NRG3: variants seen among roughly 807,000 people sequenced by gnomAD.
The protein encoded by NRG3 is neuregulin 3.
NRG3 carries 31 observed loss-of-function variants against 66.9 expected under a neutral mutation model. The ratio of observed to expected loss-of-function variants is 0.46; its 90% CI spans 0.35 to 0.63. The LOEUF (loss-of-function observed/expected upper bound fraction) is 0.63, where lower values mean the gene tolerates loss of function less well. Ranked by LOEUF, NRG3 falls within the 20% of genes least tolerant of loss-of-function variation. The pLI, the probability that NRG3 is intolerant of heterozygous loss-of-function variation, is 0.00. For missense variants in NRG3, 910 were observed against 878.9 expected, an observed-to-expected ratio of 1.04 and a Z score of -0.45; for synonymous variants, 393 against 359.4, an observed-to-expected ratio of 1.09 and a Z score of -1.06.
At chr10:82,658,589 T>G (rs1213807516) in intron 2 of NRG3, among the ~76,000 whole-genome samples, 1 of 152,032 alleles carries the variant, frequency 6.6e-6, no homozygotes, top group Non-Finnish European at 1.5e-5. Flanking sequence ...TACTAATTGA[T>G]TCCATTTAGA....
chr10:82,217,311 T>C (rs1027837489), intron 1 of NRG3, among the ~76,000 whole-genome samples: 6 of 152,174 alleles, frequency 3.9e-5, no homozygotes, highest in Non-Finnish European at 8.8e-5. Flanking sequence ...CTGGGTGCCA[T>C]CGCTCTTAAC....
At chr10:82,861,660 A>G (rs2064134619) in intron 3 of NRG3, among the ~76,000 whole-genome samples, 1 of 152,202 alleles carries the variant, frequency 6.6e-6, no homozygotes, top group East Asian at 1.9e-4. Context: ...GCCATGCCTG[A>G]GTTGCACCTG....
At chr10:82,836,907 A>C (rs112098670) in intron 3 of NRG3, among the ~76,000 whole-genome samples, 2 of 151,912 alleles carry the variant, frequency 1.3e-5, no homozygotes, top group African/African-American at 4.8e-5. Flanking sequence ...CGCACCCTAC[A>C]ACAGGTCCCA....
chr10:82,867,461 A>G lies in NRG3; in HGVS notation c.1054+2024A>G, dbSNP rs191535588. 2.1e-3 allele frequency among the ~76,000 whole-genome samples: 318 copies of G among 152,344 alleles called. 3 individuals carry two copies. The highest frequency in any genetic ancestry group is 7.4e-3 in the African/African-American group (306 of 41,578). ...ATGGAACCCTGAGAGAACAGAGGAA[A>G]TGCATTTTTAGAAATCTCTGCCACT... is the stretch of plus-strand genomic sequence containing the variant. On this transcript the variant is annotated intron_variant, in intron 4 of 8. Transcript: ENST00000372141.
chr10:82,081,288 C>A lies in NRG3; in HGVS notation c.823+205125C>A, dbSNP rs531463548. Among the ~76,000 whole-genome samples the A allele has an allele frequency of 2.0e-5, 3 of 152,282 alleles. No homozygotes were observed. The South Asian group carries it at 6.2e-4, about 32-fold the overall frequency. Reference sequence around the variant, plus strand: ...GGAGAGACACCCATGATGGAATTATCTGTTGCAGACAAGAACACAAAGATA... The same window carrying A: ...GGAGAGACACCCATGATGGAATTATATGTTGCAGACAAGAACACAAAGATA... On this transcript the variant is annotated intron_variant, in intron 1 of 8. Coordinates refer to ENST00000372141, the MANE Select transcript of NRG3 (RefSeq NM_001010848.4).
At chr10:82,931,193 A>G (rs1416385228) in intron 4 of NRG3, among the ~76,000 whole-genome samples, 1 of 152,196 alleles carries the variant, frequency 6.6e-6, no homozygotes, top group East Asian at 1.9e-4. Flanking sequence ...GCCCGATCCA[A>G]TTTCCTTCAT....
chr10:82,758,485 T>A (rs1452580496), intron 3 of NRG3, among the ~76,000 whole-genome samples: 1 of 151,956 alleles, frequency 6.6e-6, no homozygotes, highest in African/African-American at 2.4e-5. Flanking sequence ...GATAAGAAAA[T>A]GTAAAATTAT....
intron 3 of NRG3, among the ~76,000 whole-genome samples, chr10:82,792,549 G>A (rs1253372313): frequency 6.6e-6 from 1 of 151,626 alleles, no homozygotes; most frequent in Non-Finnish European, 1.5e-5. Context: ...TTTTTGTCTT[G>A]GTCTTGCTAC....
At chr10:82,386,614 G>C (rs1305651973) in intron 2 of NRG3, among the ~76,000 whole-genome samples, 1 of 151,500 alleles carries the variant, frequency 6.6e-6, no homozygotes, top group Non-Finnish European at 1.5e-5. Context: ...GAAAAAGTAT[G>C]ATTGACCCAT....
chr10:82,514,490 G>A (rs911130462), intron 2 of NRG3, among the ~76,000 whole-genome samples: 4 of 152,116 alleles, frequency 2.6e-5, no homozygotes, highest in East Asian at 1.9e-4. Flanking sequence ...AGATCAAATC[G>A]TTGTAGATGT....
intron 1 of NRG3, among the ~76,000 whole-genome samples, chr10:82,052,799 G>A (rs2063663053): frequency 6.6e-6 from 1 of 152,068 alleles, no homozygotes; most frequent in Admixed American, 6.6e-5. Flanking sequence ...GTGATTAATA[G>A]CAATGCAAAG....
At chr10:82,304,958 A>T in intron 1 of NRG3, among the ~76,000 whole-genome samples, 2 of 123,662 alleles carry the variant, frequency 1.6e-5, no homozygotes, top group Admixed American at 8.0e-5. Context: ...TCTGGTTTGC[A>T]TGTTTATTAA....
chr10:82,571,810 G>A (rs1167922313), intron 2 of NRG3, among the ~76,000 whole-genome samples: 1 of 151,532 alleles, frequency 6.6e-6, no homozygotes, highest in African/African-American at 2.4e-5. Context: ...TGAATAACTA[G>A]TGATTACTTT....
At chr10:82,305,275 T>G (rs1589659943) in intron 1 of NRG3, among the ~76,000 whole-genome samples, 1 of 151,976 alleles carries the variant, frequency 6.6e-6, no homozygotes, top group Non-Finnish European at 1.5e-5. Context: ...GATTACAGGC[T>G]TGAGCTACCG....
intron 1 of NRG3, among the ~76,000 whole-genome samples, chr10:81,886,079 A>G (rs1842591689): frequency 6.6e-6 from 1 of 152,114 alleles, no homozygotes; most frequent in South Asian, 2.1e-4. Flanking sequence ...TACATAGGTG[A>G]TGGGTTGATA....
chr10:82,491,501 T>C (rs1335327834), intron 2 of NRG3, among the ~76,000 whole-genome samples: 1 of 151,654 alleles, frequency 6.6e-6, no homozygotes, highest in Non-Finnish European at 1.5e-5. Context: ...CAAAAAATAC[T>C]TGTTGAATGA....
intron 2 of NRG3, among the ~76,000 whole-genome samples, chr10:82,485,203 A>T (rs555258127): frequency 6.6e-6 from 1 of 152,064 alleles, no homozygotes; most frequent in East Asian, 1.9e-4. Context: ...CCCCACTATA[A>T]CCCTGCTCTA....
Position 81,876,177 on chromosome 10 carries a change from G to C in NRG3, c.823+14G>C. 1 of 1,561,246 alleles carries C rather than the reference G, an allele frequency of 6.4e-7. No homozygotes were observed. Among genetic ancestry groups the C allele is most frequent in the Non-Finnish European group, 8.7e-7 (1 of 1,153,032 alleles). ...GCCCCAAATTTCGTAAGTAAACACTGTGTCTCAACTATGATTTACTACTGA... is the reference window on the plus strand; with the variant it reads ...GCCCCAAATTTCGTAAGTAAACACTCTGTCTCAACTATGATTTACTACTGA... On this transcript the variant is annotated intron_variant, in intron 1 of 8. Transcript: ENST00000372141.
chr10:82,777,969 A>G (rs879537159), intron 3 of NRG3, among the ~76,000 whole-genome samples: 2 of 152,216 alleles, frequency 1.3e-5, no homozygotes, highest in Non-Finnish European at 2.9e-5. Context: ...GATTCAGGGA[A>G]GCAAGGTGCT....
Sources: gnomAD v4.1 joint callset for allele counts (sites outside exome capture counted in the v4.1 genomes callset) on GRCh38, gnomAD v4.1.1 for gene constraint, MANE v1.5 for transcripts, NCBI Gene and HGNC (gene_info 2026-07-23, HGNC 2026-07-21) for gene names.